SPRR4: variants seen among roughly 807,000 people sequenced by gnomAD.
SPRR4 encodes small proline rich protein 4.
For missense variants in SPRR4, 106 were observed against 91.6 expected (o/e 1.16, Z -0.64); for synonymous variants, 30 against 34.3 (o/e 0.87, Z 0.44).
chr1:152,969,977 G>A (rs1286219425), upstream of SPRR4, among the ~76,000 whole-genome samples: 3 of 152,304 alleles, frequency 2.0e-5, no homozygotes, highest in Non-Finnish European at 2.9e-5. Flanking sequence ...CCCCAGAGAA[G>A]CCTCACAGAA....
Position 152,971,908 on chromosome 1 carries a change from G to T in SPRR4, c.18G>T (p.Gln6His), listed in dbSNP as rs1651859606. Residue 6 changes from glutamine (Q) to histidine (H), a missense_variant, in exon 2 of 2, where the codon CAG (glutamine) becomes CAT (histidine). Coordinates refer to ENST00000328051, the MANE Select transcript of SPRR4 (RefSeq NM_173080.3). ...CTAGAGCAATGTCTTCCCAGCAGCA[G>T]CAGCGGCAGCAGCAGCAGTGCCCAC... MSSQQ[Q>H]QRQQQQCPPQ... is the part of the protein sequence containing the mutation. The T allele has an allele frequency of 1.2e-6, 2 of 1,613,842 alleles. No homozygotes were observed. The highest frequency in any genetic ancestry group is 1.7e-6 in the Non-Finnish European group (2 of 1,179,994).
upstream of SPRR4, chr1:152,970,604 C>G (rs1399697590): frequency 6.6e-6 from 1 of 152,236 alleles, no homozygotes; most frequent in South Asian, 2.1e-4. Context: ...GTGCCCAGGG[C>G]AGGTTGGGGG....
chr1:152,972,327 C>A lies in SPRR4; in HGVS notation c.*197C>A. On this transcript the variant is annotated 3_prime_UTR_variant, in exon 2 of 2. Transcript: ENST00000328051. ...CATACCACCTTGGCTTCTTCTATAT[C>A]CCACCCCGATGCTCTCCCAGGTGGG... The A allele has an allele frequency of 1.2e-6, 1 of 862,842 alleles. No homozygotes were observed. The highest frequency in any genetic ancestry group is 1.8e-6 in the Non-Finnish European group (1 of 565,554). 53.4% of individuals were successfully genotyped at this position (862,842 alleles called of 1,614,324 possible). A position where few individuals can be genotyped will look rare whatever the true frequency, so the allele number is the denominator to read the frequency against.
At position 152,972,361 on chromosome 1, in the gene SPRR4, A is replaced by G; in HGVS notation, c.*231A>G. 1.5e-6 allele frequency: 1 copy of G among 650,854 alleles called. No individual in the cohort carries two copies. Among genetic ancestry groups the G allele is most frequent in the South Asian group, 2.0e-5 (1 of 50,370 alleles). The allele number at this position is 650,854 out of a possible 1,614,324, so 40.3% of individuals were successfully genotyped here. ...ATGCTCTCCCAGGTGGGTGTGAGAGAGACCTCATTCTCTGCAGGCTCCAGC... is the reference window on the plus strand; with the variant it reads ...ATGCTCTCCCAGGTGGGTGTGAGAGGGACCTCATTCTCTGCAGGCTCCAGC... On this transcript the variant is annotated 3_prime_UTR_variant, in exon 2 of 2. Coordinates refer to ENST00000328051, the MANE Select transcript of SPRR4 (RefSeq NM_173080.3).
At chr1:152,969,993 C>T (rs1054519075), upstream of SPRR4, among the ~76,000 whole-genome samples, 5 of 152,118 alleles carry the variant, frequency 3.3e-5, no homozygotes, top group Admixed American at 6.5e-5. Context: ...CAGAACACTT[C>T]GTGAACTGTC....
upstream of SPRR4, among the ~76,000 whole-genome samples, chr1:152,969,911 G>T (rs973821224): frequency 5.9e-5 from 9 of 152,172 alleles, no homozygotes; most frequent in African/African-American, 2.2e-4. Context: ...CCAATGGGCA[G>T]ATGGGGACAG....
At chr1:152,968,882 T>G (rs1245052023), upstream of SPRR4, among the ~76,000 whole-genome samples, 1 of 152,230 alleles carries the variant, frequency 6.6e-6, no homozygotes, top group Non-Finnish European at 1.5e-5. Flanking sequence ...ATGAAAAGCC[T>G]TGGTCTATGT....
chr1:152,970,212 C>T (rs912044795), upstream of SPRR4, among the ~76,000 whole-genome samples: 6 of 152,186 alleles, frequency 3.9e-5, no homozygotes, highest in African/African-American at 1.2e-4. Context: ...ATAAGCATGA[C>T]GGATGGTCCT....
chr1:152,972,079 C>T lies in SPRR4; in HGVS notation c.189C>T (p.Ala63=). The change falls in exon 2 of 2, where the codon GCC becomes GCT. Residue 63 remains alanine, a synonymous_variant. Transcript: ENST00000328051. The stretch of plus-strand genomic sequence containing the variant: ...CACCGAAAGGCACCATCATTCCAGC[C>T]CAGCAGAAGTGTCCCTCAGCCCAGC... ...QCPPKGTIIP[A]QQKCPSAQQA... is the part of the protein sequence containing the mutation. 1 of 1,614,084 alleles carries T rather than the reference C, an allele frequency of 6.2e-7. No individual in the cohort carries two copies. Among genetic ancestry groups the T allele is most frequent in the Non-Finnish European group, 8.5e-7 (1 of 1,180,014 alleles).
intron 1 of SPRR4, among the ~76,000 whole-genome samples, chr1:152,971,162 T>C (rs905898976): frequency 6.6e-6 from 1 of 152,078 alleles, no homozygotes; most frequent in Non-Finnish European, 1.5e-5. Flanking sequence ...AGGCCTGCAC[T>C]TCCCATCTAT....
intron 1 of SPRR4, among the ~76,000 whole-genome samples, chr1:152,971,141 T>C (rs1476088584): frequency 6.6e-6 from 1 of 152,144 alleles, no homozygotes; most frequent in African/African-American, 2.4e-5. Context: ...TTGCCACCTC[T>C]TTACTTCCTG....
chr1:152,972,104 C>T lies in SPRR4; in HGVS notation c.214C>T (p.Gln72Ter), dbSNP rs1293684305. 6.2e-7 allele frequency: 1 copy of T among 1,613,938 alleles called. No homozygotes were observed. The highest frequency in any genetic ancestry group is 1.3e-5 in the African/African-American group (1 of 74,898). ...CCAGCAGAAGTGTCCCTCAGCCCAG[C>T]AAGCCTCCAAGAGCAAACAGAAGTA... ...PAQQKCPSAQ[Q>*]ASKSKQK is the part of the protein sequence containing the mutation. Residue 72 changes from glutamine (Q) to a stop codon, truncating the protein, a stop_gained, in exon 2 of 2, where the codon CAA becomes TAA. Coordinates refer to ENST00000328051, the MANE Select transcript of SPRR4 (RefSeq NM_173080.3). LOFTEE classifies it high-confidence loss of function.
upstream of SPRR4, among the ~76,000 whole-genome samples, chr1:152,968,776 A>C (rs1168203789): frequency 6.6e-6 from 1 of 152,262 alleles, no homozygotes; most frequent in Non-Finnish European, 1.5e-5. Context: ...AATTCATTGC[A>C]GTAAACCCAC....
intron 1 of SPRR4, among the ~76,000 whole-genome samples, chr1:152,971,288 A>T (rs1199969810): frequency 6.6e-6 from 1 of 152,176 alleles, no homozygotes; most frequent in Admixed American, 6.5e-5. Flanking sequence ...AAGGGTGCTG[A>T]GACCCACAGA....
intron 1 of SPRR4, among the ~76,000 whole-genome samples, 193 bp downstream of exon 1, chr1:152,970,887 T>G (rs1651824395): frequency 6.6e-6 from 1 of 152,222 alleles, no homozygotes. Flanking sequence ...GCACCATTGC[T>G]CAGTATGACT....
chr1:152,968,963 G>A (rs775534278), upstream of SPRR4, among the ~76,000 whole-genome samples: 3 of 152,200 alleles, frequency 2.0e-5, no homozygotes, highest in African/African-American at 7.2e-5. Flanking sequence ...AGAGGACTGG[G>A]GGTATGTGGA....
upstream of SPRR4, among the ~76,000 whole-genome samples, chr1:152,969,751 T>A (rs1183198938): frequency 6.6e-6 from 1 of 152,264 alleles, no homozygotes; most frequent in African/African-American, 2.4e-5. Context: ...TCCTGCAATA[T>A]TTGGAATATA....
rs1651818898 is a variant in SPRR4, at chr1:152,970,703, G to C, written c.-21+9G>C. ...CCAGCTTGTCGCCTCTGGTAAGTGA[G>C]AACTCATCTGTTCTCCTGGGATTTG... On this transcript the variant is annotated intron_variant, in intron 1 of 1. Coordinates refer to ENST00000328051, the MANE Select transcript of SPRR4 (RefSeq NM_173080.3). 1 of 152,284 alleles carries C rather than the reference G, an allele frequency of 6.6e-6. No individual in the cohort carries two copies. Among genetic ancestry groups the C allele is most frequent in the Non-Finnish European group, 1.5e-5 (1 of 68,152 alleles). The allele number at this position is 152,284 out of a possible 1,614,324, so 9.4% of individuals were successfully genotyped here.
intron 1 of SPRR4, among the ~76,000 whole-genome samples, chr1:152,971,484 A>G (rs1362270593): frequency 6.6e-6 from 1 of 151,770 alleles, no homozygotes; most frequent in African/African-American, 2.4e-5. Context: ...GCCACATAGG[A>G]CTTGCCTTAG....
Sources: gnomAD v4.1 joint callset for allele counts (sites outside exome capture counted in the v4.1 genomes callset) on GRCh38, gnomAD v4.1.1 for gene constraint, MANE v1.5 for transcripts, NCBI Gene and HGNC (gene_info 2026-07-23, HGNC 2026-07-21) for gene names.